PCDHGB7: variants seen among roughly 807,000 people sequenced by gnomAD.
PCDHGB7 encodes the protein protocadherin gamma-B7.
Under a neutral mutation model 61.4 loss-of-function variants are expected in PCDHGB7, and 37 were observed. That is an observed-to-expected ratio of 0.60 (90% CI 0.46 to 0.79). The LOEUF is 0.79. Among genes scored for constraint, PCDHGB7 ranks in the 30% least tolerant of loss-of-function variants. The pLI is 0.00. For synonymous variants in PCDHGB7, 464 were observed against 503.5 expected (o/e 0.92, Z 1.05); for missense variants, 1,166 against 1,202.5 (o/e 0.97, Z 0.45).
chr5:141,418,677 T>A lies in PCDHGB7; in HGVS notation c.818T>A (p.Ile273Asn), dbSNP rs1717013168. ...RVKATDQDEG[I>N]NSEITYSFFG... ...AAGGCCACTGACCAGGACGAGGGCA[T>A]CAACTCAGAGATCACTTATTCCTTC... The change falls in exon 1 of 4, where the codon ATC becomes AAC. Residue 273 changes from isoleucine (I) to asparagine (N), a missense_variant. Coordinates refer to ENST00000398594, the MANE Select transcript of PCDHGB7 (RefSeq NM_018927.4). The A allele has an allele frequency of 6.2e-7, 1 of 1,613,930 alleles. No individual in the cohort carries two copies. Among genetic ancestry groups the A allele is most frequent in the African/African-American group, 1.3e-5 (1 of 74,940 alleles).
At position 141,461,820 on chromosome 5, in the gene PCDHGB7, AT is replaced by A. The variant is rs1458631685; in HGVS notation, c.2416-32978del. Among the ~76,000 whole-genome samples the A allele has an allele frequency of 8.1e-5, 12 of 147,918 alleles. 1 individual carries two copies. In the South Asian group the frequency reaches 1.3e-3, roughly 16 times the overall value. On this transcript the variant is annotated intron_variant, in intron 1 of 3. Transcript: ENST00000398594. ...AGGTGCCCACCACCACACCCAGCTAATTTTTTTTTCTTTTTTTTTTGAGACA... is the reference window on the plus strand; with the variant it reads ...AGGTGCCCACCACCACACCCAGCTAATTTTTTTTCTTTTTTTTTTGAGACA...
At chr5:141,463,261 T>G (rs552225283) in intron 1 of PCDHGB7, among the ~76,000 whole-genome samples, 29 of 152,134 alleles carry the variant, frequency 1.9e-4, no homozygotes, top group African/African-American at 6.3e-4. Context: ...TAGTACTCTA[T>G]CCCATAAATT....
chr5:141,439,455 C>T (rs62379163), intron 1 of PCDHGB7, among the ~76,000 whole-genome samples: 5,115 of 152,308 alleles, frequency 0.034, 100 homozygotes, highest in Middle Eastern at 0.088. Context: ...GGGAGCAAGA[C>T]TGCACTGCTG....
At chr5:141,436,104 G>A (rs368559994) in intron 1 of PCDHGB7, among the ~76,000 whole-genome samples, 10 of 152,086 alleles carry the variant, frequency 6.6e-5, no homozygotes, top group East Asian at 3.9e-4. Flanking sequence ...AGAAATAGAG[G>A]ACAATGAAAC....
chr5:141,422,397 C>T (rs753017439), intron 1 of PCDHGB7: 4 of 1,597,606 alleles, frequency 2.5e-6, no homozygotes, highest in East Asian at 4.5e-5. Context: ...TTCCTAACCA[C>T]CTGCCTTTTA....
chr5:141,423,610 G>GT, intron 1 of PCDHGB7: 1 of 1,611,424 alleles, frequency 6.2e-7, no homozygotes, highest in African/African-American at 1.3e-5. Context: ...ACTCTTGATA[G>GT]CTGAAGACTC....
chr5:141,428,116 A>G, intron 1 of PCDHGB7: 1 of 1,607,216 alleles, frequency 6.2e-7, no homozygotes, highest in Non-Finnish European at 8.5e-7. Flanking sequence ...CAGGCCATCG[A>G]GCCCGGGCTT....
In PCDHGB7 at chr5:141,419,315, C is replaced by G. The variant is rs2096357855; in HGVS notation, c.1456C>G (p.Arg486Gly). The stretch of plus-strand genomic sequence containing the variant: ...TGACCCAGACTTCGGGCTCAACGGC[C>G]GTGTCTCCTACTCTCTCATTGCCAG... ...ASDPDFGLNG[R>G]VSYSLIASDL... is the part of the protein sequence containing the mutation. Residue 486 changes from arginine to glycine, a missense_variant, in exon 1 of 4, where the codon CGT becomes GGT. Physicochemically the swap from Arg to Gly is moderately radical, Grantham distance 125 (BLOSUM62 -2). Transcript: ENST00000398594. 2 of 1,613,998 alleles carry G rather than the reference C, an allele frequency of 1.2e-6. No homozygotes were observed. The highest frequency in any genetic ancestry group is 1.7e-6 in the Non-Finnish European group (2 of 1,179,902).
chr5:141,457,498 G>A (rs193168963), intron 1 of PCDHGB7, among the ~76,000 whole-genome samples: 23 of 152,246 alleles, frequency 1.5e-4, no homozygotes, highest in African/African-American at 4.3e-4. Flanking sequence ...TAAAATGTAG[G>A]CAAAAAGCTT....
Position 141,486,253 on chromosome 5 carries a change from C to A in PCDHGB7, c.2416-8554C>A. The A allele has an allele frequency of 6.2e-7, 1 of 1,614,138 alleles. No individual in the cohort carries two copies. Among genetic ancestry groups the A allele is most frequent in the Non-Finnish European group, 8.5e-7 (1 of 1,180,006 alleles). On this transcript the variant is annotated intron_variant, in intron 1 of 3. Transcript: ENST00000398594. This position sits in a 1 kb window ranked among gnomAD's most constrained non-coding sequence, Gnocchi z 5.0. ...TGACCTCAGAGCTTGGAACCCTCCC[C>A]GAGAGTGCAGAACCTGGCACTGTGG...
At position 141,489,297 on chromosome 5, in the gene PCDHGB7, G is replaced by A. The variant is rs184934961; in HGVS notation, c.2416-5510G>A. 5.1e-6 allele frequency: 8 copies of A among 1,583,774 alleles called. No homozygotes were observed. Among genetic ancestry groups the A allele is most frequent in the Non-Finnish European group, 6.9e-6 (8 of 1,164,904 alleles). ...GGAAATGGCAAGTGCTGTGCATGTT[G>A]TCCTTGTGCTGCTGGGGCTGGGTGT... is the stretch of plus-strand genomic sequence containing the variant. On this transcript the variant is annotated intron_variant, in intron 1 of 3. Coordinates refer to ENST00000398594, the MANE Select transcript of PCDHGB7 (RefSeq NM_018927.4). This position sits in a 1 kb window ranked among gnomAD's most constrained non-coding sequence, Gnocchi z 4.5.
chr5:141,439,709 A>G (rs2098127560), intron 1 of PCDHGB7: 1 of 152,540 alleles, frequency 6.6e-6, no homozygotes, highest in African/African-American at 2.4e-5. Context: ...TATGGCTCCT[A>G]GTTCTACAAA....
chr5:141,446,455 T>G (rs1347586383), intron 1 of PCDHGB7, among the ~76,000 whole-genome samples: 1 of 151,858 alleles, frequency 6.6e-6, no homozygotes, highest in Non-Finnish European at 1.5e-5. Context: ...AGATATTCAG[T>G]GTGTGATTAG....
At chr5:141,424,682 C>A (rs1421088073) in intron 1 of PCDHGB7, 1 of 152,062 alleles carries the variant, frequency 6.6e-6, no homozygotes, top group Non-Finnish European at 1.5e-5. Flanking sequence ...AGCTAGTATC[C>A]TTCTGGCTAT....
intron 1 of PCDHGB7, among the ~76,000 whole-genome samples, chr5:141,437,364 T>G (rs1026384836): frequency 6.6e-6 from 1 of 152,232 alleles, no homozygotes; most frequent in Non-Finnish European, 1.5e-5. Context: ...AAAATTGGAA[T>G]GTAATCAGTC....
Position 141,447,812 on chromosome 5 carries a change from G to A in PCDHGB7, c.2415+27538G>A, listed in dbSNP as rs557330895. 5.4e-4 allele frequency among the ~76,000 whole-genome samples: 82 copies of A among 152,254 alleles called. 1 individual carries two copies. The highest frequency in any genetic ancestry group is 1.3e-3 in the Admixed American group (20 of 15,294). On this transcript the variant is annotated intron_variant, in intron 1 of 3. Coordinates refer to ENST00000398594, the MANE Select transcript of PCDHGB7 (RefSeq NM_018927.4). ...TTTAAGAAAATAAAATTGGCTGGGC[G>A]TGGTGGCTCACGCCTGTAATCCCAG...
In PCDHGB7 at chr5:141,491,801, G is replaced by C; in HGVS notation, c.2416-3006G>C. 1 of 1,500,844 alleles carries C rather than the reference G, an allele frequency of 6.7e-7. No individual in the cohort carries two copies. Among genetic ancestry groups the C allele is most frequent in the Non-Finnish European group, 8.9e-7 (1 of 1,125,292 alleles). The allele number at this position is 1,500,844 out of a possible 1,614,324, so 93.0% of individuals were successfully genotyped here. The stretch of plus-strand genomic sequence containing the variant: ...AACTTGCATCCACTCCTCTCCGGCC[G>C]GCTTGGTCGCTGGCTGCGCTCCACC... On this transcript the variant is annotated intron_variant, in intron 1 of 3. Coordinates refer to ENST00000398594, the MANE Select transcript of PCDHGB7 (RefSeq NM_018927.4). The surrounding 1 kb of genome is among the most constrained non-coding windows in gnomAD (Gnocchi z 6.9).
At chr5:141,454,283 T>G (rs2098785864) in intron 1 of PCDHGB7, among the ~76,000 whole-genome samples, 1 of 152,134 alleles carries the variant, frequency 6.6e-6, no homozygotes, top group Non-Finnish European at 1.5e-5. Flanking sequence ...AACTTCACAT[T>G]AAAGGAACTC....
chr5:141,427,991 C>T (rs748924488), intron 1 of PCDHGB7: 1 of 1,599,024 alleles, frequency 6.3e-7, no homozygotes, highest in Non-Finnish European at 8.6e-7. Context: ...GGCCCGATGG[C>T]TCCGCACTCT....
Sources: allele counts gnomAD v4.1 joint callset (sites outside exome capture counted in the v4.1 genomes callset), GRCh38; gene constraint gnomAD v4.1.1; non-coding constraint Gnocchi (gnomAD v3.1); transcripts MANE v1.5; gene names NCBI Gene and HGNC (gene_info 2026-07-23, HGNC 2026-07-21).